The following FNDC3B variants were observed in gnomAD, a reference collection of about 807,000 sequenced individuals.
FNDC3B encodes the protein fibronectin type III domain containing 3B, also known as fibronectin type III domain-containing protein 3B.
A neutral mutation model predicts 151.5 loss-of-function variants in FNDC3B; 12 were observed. That is an observed-to-expected ratio of 0.08 (90% CI 0.05 to 0.13). The LOEUF (loss-of-function observed/expected upper bound fraction) is 0.13. FNDC3B is among the 10% of genes least tolerant of loss of function. FNDC3B has a pLI of 1.00. For missense variants in FNDC3B, 1,214 were observed against 1,505.3 expected (o/e 0.81, Z 3.20); for synonymous variants, 528 against 549.0 (o/e 0.96, Z 0.54).
chr3:172,124,244 C>T (rs1720697225), intron 2 of FNDC3B, among the ~76,000 whole-genome samples: 1 of 152,206 alleles, frequency 6.6e-6, no homozygotes, highest in African/African-American at 2.4e-5. Flanking sequence ...GCACCCACTA[C>T]CACACCCTGT....
intron 23 of FNDC3B, among the ~76,000 whole-genome samples, chr3:172,370,154 A>G (rs1378575252): frequency 6.6e-6 from 1 of 152,160 alleles, no homozygotes; most frequent in African/African-American, 2.4e-5. Context: ...TAGGGATTAT[A>G]AGATAACAAG....
At chr3:172,188,571 A>G (rs951712311) in intron 3 of FNDC3B, among the ~76,000 whole-genome samples, 35 of 151,832 alleles carry the variant, frequency 2.3e-4, no homozygotes, top group African/African-American at 8.0e-4. Context: ...ACGCCCGGCT[A>G]ATTTTTTGTA....
chr3:172,222,950 CT>C (rs1447357873), intron 3 of FNDC3B, among the ~76,000 whole-genome samples: 1 of 152,188 alleles, frequency 6.6e-6, no homozygotes, highest in African/African-American at 2.4e-5. Context: ...CTGGTCTTTC[CT>C]TTTGTCTCTT....
intron 3 of FNDC3B, among the ~76,000 whole-genome samples, chr3:172,177,183 C>T (rs116276273): frequency 0.043 from 6,431 of 148,370 alleles, 284 homozygotes; most frequent in African/African-American, 0.12. Flanking sequence ...ATGGGCCTAG[C>T]GGAAGATACA....
intron 3 of FNDC3B, among the ~76,000 whole-genome samples, chr3:172,185,210 T>TGTCA (rs1473402233): frequency 6.6e-6 from 1 of 152,164 alleles, no homozygotes; most frequent in East Asian, 1.9e-4. Context: ...TCACATGACA[T>TGTCA]ATAGATTTTT....
chr3:172,072,191 A>G (rs1286193231), intron 1 of FNDC3B, among the ~76,000 whole-genome samples: 1 of 148,842 alleles, frequency 6.7e-6, no homozygotes, highest in Non-Finnish European at 1.5e-5. Flanking sequence ...TGATTACTCA[A>G]ATGTGGCTAG....
intron 11 of FNDC3B, among the ~76,000 whole-genome samples, chr3:172,323,943 T>G (rs1732216785): frequency 1.3e-5 from 2 of 152,154 alleles, no homozygotes; most frequent in Admixed American, 6.5e-5. Context: ...AGGCTGGGAC[T>G]TCCCCCCAAA....
At chr3:172,171,600 CTT>C (rs34275289) in intron 3 of FNDC3B, among the ~76,000 whole-genome samples, 409 of 123,516 alleles carry the variant, frequency 3.3e-3, no homozygotes, top group African/African-American at 0.011. Context: ...GCTGTATTAA[CTT>C]TTTTTTTTTT....
intron 4 of FNDC3B, among the ~76,000 whole-genome samples, chr3:172,245,898 G>C (rs1727749093): frequency 6.6e-6 from 1 of 152,114 alleles, no homozygotes. Flanking sequence ...CATTTATTTT[G>C]ATAGATTTAT....
intron 8 of FNDC3B, 60 bp from the exon 9 acceptor site, chr3:172,298,668 C>A: frequency 8.1e-7 from 1 of 1,236,490 alleles, no homozygotes; most frequent in Non-Finnish European, 1.2e-6. Context: ...CACCCAAATT[C>A]CAAATCTCGT....
At chr3:172,135,205 T>A (rs771590083) in intron 3 of FNDC3B, among the ~76,000 whole-genome samples, 1 of 151,474 alleles carries the variant, frequency 6.6e-6, no homozygotes, top group Non-Finnish European at 1.5e-5. Flanking sequence ...TGCATTAAAA[T>A]CTCTTTCATT....
At chr3:172,394,106 TAAAA>T (rs60559371) in intron 25 of FNDC3B, among the ~76,000 whole-genome samples, 3,057 of 16,258 alleles carry the variant, frequency 0.19, 157 homozygotes, top group East Asian at 0.48. Flanking sequence ...AGACTCCTTC[TAAAA>T]AAAAAAAAAA....
intron 6 of FNDC3B, among the ~76,000 whole-genome samples, chr3:172,261,675 T>G (rs1009349424): frequency 1.3e-5 from 2 of 152,196 alleles, no homozygotes; most frequent in Non-Finnish European, 2.9e-5. Flanking sequence ...GAAACAACAG[T>G]GATTCTATTA....
At chr3:172,200,448 G>A (rs1383491370) in intron 3 of FNDC3B, among the ~76,000 whole-genome samples, 7 of 152,178 alleles carry the variant, frequency 4.6e-5, no homozygotes, top group Non-Finnish European at 1.0e-4. Flanking sequence ...AATGTGATAT[G>A]CATTTGGCAA....
chr3:172,256,354 T>C (rs749679289), intron 6 of FNDC3B, among the ~76,000 whole-genome samples: 1 of 152,212 alleles, frequency 6.6e-6, no homozygotes. Context: ...TTCAAGAGTT[T>C]TTGCCTTCCT....
At chr3:172,041,492 T>C (rs1576809804) in intron 1 of FNDC3B, among the ~76,000 whole-genome samples, 1 of 5,470 alleles carries the variant, frequency 1.8e-4, no homozygotes, top group Non-Finnish European at 2.7e-4. Flanking sequence ...GTTCTTCTTC[T>C]TTTTTTTTTT....
chr3:172,218,533 C>A (rs1278479178), intron 3 of FNDC3B, among the ~76,000 whole-genome samples: 1 of 152,094 alleles, frequency 6.6e-6, no homozygotes, highest in Non-Finnish European at 1.5e-5. Context: ...ACTGTGTGAA[C>A]CTCTTTGTTC....
intron 7 of FNDC3B, among the ~76,000 whole-genome samples, chr3:172,287,585 CAGAG>C (rs1219192520): frequency 1.3e-5 from 2 of 152,100 alleles, no homozygotes; most frequent in African/African-American, 4.8e-5. Context: ...ACAGAGGAGT[CAGAG>C]AGAGAGGGCA....
intron 3 of FNDC3B, among the ~76,000 whole-genome samples, chr3:172,189,954 T>C (rs555892701): frequency 6.6e-6 from 1 of 152,304 alleles, no homozygotes; most frequent in Non-Finnish European, 1.5e-5. Flanking sequence ...GCTTATTGTG[T>C]CTTGGCAGTA....
Sources: allele counts gnomAD v4.1 joint callset (sites outside exome capture counted in the v4.1 genomes callset), GRCh38; gene constraint gnomAD v4.1.1; transcripts MANE v1.5; gene names NCBI Gene and HGNC (gene_info 2026-07-23, HGNC 2026-07-21).